The following TUSC3 variants were observed in gnomAD, a reference collection of about 807,000 sequenced individuals.
TUSC3 encodes dolichyl-diphosphooligosaccharide--protein glycosyltransferase subunit TUSC3.
TUSC3 carries 45 observed loss-of-function variants against 44.8 expected under a neutral mutation model. The ratio of observed to expected loss-of-function variants is 1.00; its 90% CI spans 0.79 to 1.29. The LOEUF (loss-of-function observed/expected upper bound fraction) is 1.29. Among genes scored for constraint, TUSC3 ranks in the 50% most tolerant of loss-of-function variants. The pLI is 0.00. For synonymous variants in TUSC3, 212 were observed against 152.9 expected (o/e 1.39, Z -2.85); for missense variants, 519 against 437.9 (o/e 1.19, Z -1.65).
intron 1 of TUSC3, among the ~76,000 whole-genome samples, chr8:15,576,304 T>A (rs144559776): frequency 0.031 from 4,527 of 145,874 alleles, 208 homozygotes; most frequent in African/African-American, 0.1. Context: ...TTTTTTATTT[T>A]TTTATTTATT....
At chr8:15,652,913 T>G (rs1307273546) in intron 3 of TUSC3, among the ~76,000 whole-genome samples, 1 of 152,188 alleles carries the variant, frequency 6.6e-6, no homozygotes. Context: ...TTATGCTGTT[T>G]TTGTTGATAA....
intron 9 of TUSC3, among the ~76,000 whole-genome samples, 191 bp from the exon 10 acceptor site, chr8:15,757,600 A>T (rs371155038): frequency 1.3e-5 from 2 of 152,314 alleles, no homozygotes; most frequent in East Asian, 3.9e-4. Flanking sequence ...AAAATGACTT[A>T]TAAAGGTCCA....
chr8:15,779,092 T>G, the TUSC3 span, among the ~76,000 whole-genome samples: 1 of 130,774 alleles, frequency 7.6e-6, no homozygotes, highest in Non-Finnish European at 1.6e-5. Flanking sequence ...CACCCTCGAA[T>G]GTTTTCTTTT....
At chr8:15,712,089 T>A (rs569934902) in intron 6 of TUSC3, among the ~76,000 whole-genome samples, 2 of 152,124 alleles carry the variant, frequency 1.3e-5, no homozygotes, top group African/African-American at 4.8e-5. Flanking sequence ...ATTGAATATA[T>A]CTTATTAATA....
At chr8:15,435,424 A>G (rs999961636) in intron 1 of TUSC3, among the ~76,000 whole-genome samples, 1 of 152,212 alleles carries the variant, frequency 6.6e-6, no homozygotes, top group Non-Finnish European at 1.5e-5. Context: ...ATTTTAATAC[A>G]TAAACTTAAG....
At chr8:15,695,844 T>C (rs1046390729) in intron 6 of TUSC3, among the ~76,000 whole-genome samples, 24 of 152,168 alleles carry the variant, frequency 1.6e-4, no homozygotes, top group Non-Finnish European at 1.6e-4. Flanking sequence ...TTGTGGAACT[T>C]TGAACTCAAG....
intron 2 of TUSC3, 75 bp downstream of exon 2, chr8:15,623,324 A>G: frequency 7.3e-7 from 1 of 1,377,248 alleles, no homozygotes. Flanking sequence ...TCATTTTAAG[A>G]TAAATATATG....
At chr8:15,813,753 C>A in the TUSC3 span, among the ~76,000 whole-genome samples, 2 of 151,870 alleles carry the variant, frequency 1.3e-5, no homozygotes, top group Non-Finnish European at 2.9e-5. Flanking sequence ...AGCTTATTAA[C>A]CCTCATGTGA....
At chr8:15,597,656 T>A (rs1804126138) in intron 1 of TUSC3, among the ~76,000 whole-genome samples, 1 of 152,100 alleles carries the variant, frequency 6.6e-6, no homozygotes, top group Non-Finnish European at 1.5e-5. Flanking sequence ...AAATACACAT[T>A]GATATTAGAT....
the TUSC3 span, among the ~76,000 whole-genome samples, chr8:15,843,751 A>T: frequency 8.5e-4 from 129 of 152,100 alleles, 1 homozygote; most frequent in African/African-American, 3.0e-3. Flanking sequence ...TGTATATAAA[A>T]CACCTGTGTT....
chr8:15,468,591 G>T (rs1313014239), intron 1 of TUSC3, among the ~76,000 whole-genome samples: 25 of 151,970 alleles, frequency 1.6e-4, no homozygotes, highest in Admixed American at 1.6e-3. Context: ...TAGATCTGAT[G>T]CCCCCCTCTA....
intron 1 of TUSC3, among the ~76,000 whole-genome samples, chr8:15,573,918 A>G (rs1356273532): frequency 6.6e-6 from 1 of 152,094 alleles, no homozygotes; most frequent in Non-Finnish European, 1.5e-5. Context: ...GGGGGAGAGA[A>G]TATTATCTTC....
At chr8:15,487,380 G>A (rs921443580) in intron 2 of TUSC3, among the ~76,000 whole-genome samples, 1 of 152,106 alleles carries the variant, frequency 6.6e-6, no homozygotes, top group Non-Finnish European at 1.5e-5. Flanking sequence ...CTAAATACCT[G>A]ATTATTTTCT....
chr8:15,689,262 C>T (rs2216421), intron 6 of TUSC3: 6,060 of 351,956 alleles, frequency 0.017, 299 homozygotes, highest in African/African-American at 0.12. Flanking sequence ...AATCGATCCA[C>T]TTGTGAAATA....
chr8:15,626,506 C>T (rs1489574449), intron 2 of TUSC3, among the ~76,000 whole-genome samples: 1 of 152,202 alleles, frequency 6.6e-6, no homozygotes, highest in Non-Finnish European at 1.5e-5. Context: ...TATCCGTGTG[C>T]TCTTTGGGGC....
chr8:15,484,577 G>C (rs2129125033), intron 2 of TUSC3, among the ~76,000 whole-genome samples: 1 of 152,194 alleles, frequency 6.6e-6, no homozygotes, highest in African/African-American at 2.4e-5. Context: ...TCCGGTGTAG[G>C]GCATAGATAA....
At chr8:15,482,109 C>A (rs1800670610) in intron 1 of TUSC3, among the ~76,000 whole-genome samples, 1 of 152,184 alleles carries the variant, frequency 6.6e-6, no homozygotes, top group Non-Finnish European at 1.5e-5. Flanking sequence ...TAAGAAATCA[C>A]TTTCTTTGTT....
At chr8:15,443,998 C>A (rs890949949) in intron 1 of TUSC3, among the ~76,000 whole-genome samples, 1 of 152,182 alleles carries the variant, frequency 6.6e-6, no homozygotes, top group Non-Finnish European at 1.5e-5. Flanking sequence ...AACTCTGACC[C>A]CTGAATGCTC....
chr8:15,653,329 A>G (rs73195131), intron 3 of TUSC3, among the ~76,000 whole-genome samples: 22,376 of 152,174 alleles, frequency 0.15, 1,976 homozygotes, highest in South Asian at 0.26. Flanking sequence ...AAAAATTTTT[A>G]TATGAAATTT....
Sources: allele counts gnomAD v4.1 joint callset (sites outside exome capture counted in the v4.1 genomes callset), GRCh38; gene constraint gnomAD v4.1.1; transcripts MANE v1.5; gene names NCBI Gene and HGNC (gene_info 2026-07-23, HGNC 2026-07-21).